ROS1: variants seen among roughly 807,000 people sequenced by gnomAD.
The protein encoded by ROS1 is ROS proto-oncogene 1, receptor tyrosine kinase, also known as proto-oncogene tyrosine-protein kinase ROS.
ROS1 carries 263 observed loss-of-function variants against 273.5 expected under a neutral mutation model. That is an observed-to-expected ratio of 0.96 (90% CI 0.87 to 1.06). The LOEUF (loss-of-function observed/expected upper bound fraction) is 1.06, where lower values mean the gene tolerates loss of function less well. Among genes scored for constraint, ROS1 ranks in the 50% least tolerant of loss-of-function variants. ROS1 has a pLI of 0.00. For synonymous variants in ROS1, 1,008 were observed against 954.1 expected (o/e 1.06, Z -1.04); for missense variants, 2,833 against 2,751.1 (o/e 1.03, Z -0.67).
intron 7 of ROS1, among the ~76,000 whole-genome samples, chr6:117,401,803 T>TAA (rs35593860): frequency 0.11 from 9,394 of 89,000 alleles, 604 homozygotes; most frequent in African/African-American, 0.15. Flanking sequence ...AACTTTTCAG[T>TAA]AAAAAAAAAA....
intron 43 of ROS1, among the ~76,000 whole-genome samples, chr6:117,295,324 T>C (rs1227822046): frequency 1.3e-5 from 2 of 152,122 alleles, no homozygotes; most frequent in Non-Finnish European, 2.9e-5. Context: ...TCTCTACATA[T>C]ACAAAAATCA....
intron 43 of ROS1, among the ~76,000 whole-genome samples, chr6:117,297,703 T>A (rs928674273): frequency 2.0e-5 from 3 of 152,084 alleles, no homozygotes; most frequent in Non-Finnish European, 4.4e-5. Flanking sequence ...TGGCCATTAC[T>A]AAAAAGTCAA....
intron 43 of ROS1, among the ~76,000 whole-genome samples, chr6:117,290,090 G>T (rs1562240094): frequency 6.6e-6 from 1 of 152,130 alleles, no homozygotes; most frequent in Admixed American, 6.5e-5. Context: ...CTACAATATA[G>T]TCTACCCACT....
intron 10 of ROS1, 28 bp from the exon 11 acceptor site, chr6:117,394,374 A>T (rs959455052): frequency 6.0e-6 from 9 of 1,502,486 alleles, no homozygotes; most frequent in Non-Finnish European, 7.9e-6. Context: ...GTGCACACAC[A>T]TTATTATATA....
intron 43 of ROS1, 84 bp from the exon 44 acceptor site, chr6:117,288,886 A>T: frequency 9.3e-7 from 1 of 1,074,582 alleles, no homozygotes; most frequent in South Asian, 1.7e-5. Flanking sequence ...GAATTATAGC[A>T]ACACCAACTT....
At chr6:117,328,776 T>A (rs1159674888) in intron 33 of ROS1, 1 of 613,876 alleles carries the variant, frequency 1.6e-6, no homozygotes, top group Non-Finnish European at 3.2e-6. Context: ...AGGCTGTTCA[T>A]CAGTGGCTGG....
intron 41 of ROS1, among the ~76,000 whole-genome samples, chr6:117,309,250 A>G (rs921414780): frequency 2.6e-5 from 4 of 152,136 alleles, no homozygotes; most frequent in African/African-American, 9.7e-5. Context: ...AGAAACAGAC[A>G]CACATGCACA....
chr6:117,302,451 A>T (rs1774805815), intron 42 of ROS1, among the ~76,000 whole-genome samples: 1 of 152,278 alleles, frequency 6.6e-6, no homozygotes, highest in South Asian at 2.1e-4. Context: ...GAATTCAATA[A>T]GGAGTGACTT....
chr6:117,342,597 T>G, intron 28 of ROS1, 53 bp from the exon 29 acceptor site: 2 of 1,137,638 alleles, frequency 1.8e-6, no homozygotes, highest in Non-Finnish European at 2.4e-6. Context: ...TTTATACAAA[T>G]TGGTAGAAAT....
intron 43 of ROS1, among the ~76,000 whole-genome samples, chr6:117,289,170 G>A (rs562576310): frequency 6.6e-6 from 1 of 152,256 alleles, no homozygotes; most frequent in Non-Finnish European, 1.5e-5. Flanking sequence ...TTGGCCCTTA[G>A]AGGGCCCTTT....
chr6:117,391,061 C>A (rs1424197405), intron 12 of ROS1, among the ~76,000 whole-genome samples: 1 of 152,180 alleles, frequency 6.6e-6, no homozygotes, highest in Admixed American at 6.5e-5. Flanking sequence ...TCAAAACTGT[C>A]AAATCATTTT....
chr6:117,330,950 C>T (rs1777039751), intron 32 of ROS1, among the ~76,000 whole-genome samples: 1 of 152,122 alleles, frequency 6.6e-6, no homozygotes, highest in Non-Finnish European at 1.5e-5. Context: ...TAAATGATCA[C>T]AATGTCTCCA....
chr6:117,368,952 T>C (rs143384522), intron 18 of ROS1, among the ~76,000 whole-genome samples: 2 of 152,286 alleles, frequency 1.3e-5, no homozygotes, highest in Non-Finnish European at 2.9e-5. Context: ...TATTAAAATA[T>C]ACTATTAAAG....
At chr6:117,356,530 T>C in intron 26 of ROS1, 99 bp downstream of exon 26, 3 of 1,044,962 alleles carry the variant, frequency 2.9e-6, no homozygotes, top group Non-Finnish European at 2.8e-6. Context: ...AAATATCATG[T>C]GTATATTTGA....
At chr6:117,310,499 G>A (rs1208715987) in intron 40 of ROS1, among the ~76,000 whole-genome samples, 1 of 151,588 alleles carries the variant, frequency 6.6e-6, no homozygotes, top group East Asian at 1.9e-4. Context: ...TAGATTTTAA[G>A]CCCTGCCTGC....
At position 117,389,855 on chromosome 6, in the gene ROS1, G is replaced by C. The variant is rs777221723; in HGVS notation, c.1290-9C>G. 9 of 1,593,560 alleles carry C rather than the reference G, an allele frequency of 5.6e-6. No homozygotes were observed. The South Asian group carries it at 1.0e-4, about 18-fold the overall frequency. On this transcript the variant is annotated splice_polypyrimidine_tract_variant and intron_variant, in intron 12 of 43. Transcript: ENST00000368507. ...GGAGGTAAAAGACATACCTGACACA[G>C]GAACAAAAGAAACCTCATGAGATTC...
chr6:117,373,390 G>A (rs763049575), intron 18 of ROS1, among the ~76,000 whole-genome samples: 54 of 152,258 alleles, frequency 3.5e-4, no homozygotes, highest in Non-Finnish European at 5.6e-4. Flanking sequence ...ACCACGGGGG[G>A]ACTTGGGCAT....
At chr6:117,332,116 A>G (rs1459059599) in intron 32 of ROS1, among the ~76,000 whole-genome samples, 2 of 151,936 alleles carry the variant, frequency 1.3e-5, no homozygotes, top group Non-Finnish European at 2.9e-5. Flanking sequence ...AAAGACACAC[A>G]CAGGCTCAAA....
At chr6:117,301,659 G>A (rs1263834452) in intron 42 of ROS1, 1 of 152,376 alleles carries the variant, frequency 6.6e-6, no homozygotes, top group African/African-American at 2.4e-5. Flanking sequence ...AGCTCTCAAG[G>A]TAAAGGTCTC....
Sources: gnomAD v4.1 joint callset for allele counts (sites outside exome capture counted in the v4.1 genomes callset) on GRCh38, gnomAD v4.1.1 for gene constraint, MANE v1.5 for transcripts, NCBI Gene and HGNC (gene_info 2026-07-23, HGNC 2026-07-21) for gene names.